The following DIP2B variants were observed in gnomAD, a reference collection of about 807,000 sequenced individuals.
DIP2B encodes disco-interacting protein 2 homolog B.
DIP2B carries 76 observed loss-of-function variants against 198.0 expected under a neutral mutation model. That is an observed-to-expected ratio of 0.38 (90% confidence interval 0.32 to 0.46). The LOEUF (loss-of-function observed/expected upper bound fraction) is 0.46. Ranked by LOEUF, DIP2B falls within the 20% of genes least tolerant of loss-of-function variation. DIP2B has a pLI of 0.99. For synonymous variants in DIP2B, 701 were observed against 739.1 expected (o/e 0.95, Z 0.84); for missense variants, 1,559 against 1,978.4 (o/e 0.79, Z 4.02).
intron 1 of DIP2B, among the ~76,000 whole-genome samples, chr12:50,577,623 T>C (rs546014217): frequency 8.6e-5 from 13 of 151,324 alleles, no homozygotes; most frequent in African/African-American, 3.1e-4. Flanking sequence ...TTATATATAA[T>C]ACACTTTTAT....
chr12:50,637,678 A>G (rs1253554988), intron 2 of DIP2B, among the ~76,000 whole-genome samples: 2 of 152,202 alleles, frequency 1.3e-5, no homozygotes, highest in Admixed American at 6.5e-5. Flanking sequence ...AACAGTAGGC[A>G]TGTCTGCTCT....
At chr12:50,665,470 C>G (rs1938733908) in intron 4 of DIP2B, among the ~76,000 whole-genome samples, 1 of 152,148 alleles carries the variant, frequency 6.6e-6, no homozygotes, top group South Asian at 2.1e-4. Context: ...TACTTTATAG[C>G]CGCGACTCAT....
intron 1 of DIP2B, among the ~76,000 whole-genome samples, chr12:50,561,572 C>T (rs1315556061): frequency 6.6e-6 from 1 of 152,046 alleles, no homozygotes; most frequent in Non-Finnish European, 1.5e-5. Flanking sequence ...ACGATACTCC[C>T]GAAGATGCTG....
chr12:50,523,776 A>G (rs1169668483), intron 1 of DIP2B, among the ~76,000 whole-genome samples: 1 of 152,234 alleles, frequency 6.6e-6, no homozygotes, highest in Non-Finnish European at 1.5e-5. Flanking sequence ...GTGAAAACAT[A>G]CAAGTTGTAT....
chr12:50,614,668 T>G (rs116887122), intron 1 of DIP2B, among the ~76,000 whole-genome samples: 1,956 of 152,262 alleles, frequency 0.013, 19 homozygotes, highest in Non-Finnish European at 0.019. Flanking sequence ...GCTTGCCCAG[T>G]ATCAGATAAA....
intron 1 of DIP2B, among the ~76,000 whole-genome samples, chr12:50,576,893 C>T (rs189354056): frequency 2.6e-4 from 38 of 148,042 alleles, no homozygotes; most frequent in Middle Eastern, 7.7e-3. Flanking sequence ...TACGGAGTTT[C>T]GGTCTCGTTG....
At chr12:50,721,012 T>C (rs372021779) in intron 25 of DIP2B, among the ~76,000 whole-genome samples, 4 of 152,246 alleles carry the variant, frequency 2.6e-5, no homozygotes, top group South Asian at 4.1e-4. Context: ...TCTTGCTGTG[T>C]TGCCCAGGCT....
chr12:50,546,351 CT>C (rs1397123652), intron 1 of DIP2B, among the ~76,000 whole-genome samples: 1 of 152,100 alleles, frequency 6.6e-6, no homozygotes, highest in South Asian at 2.1e-4. Flanking sequence ...AAAATTTCAA[CT>C]TTTATTTTAG....
At position 50,685,864 on chromosome 12, in the gene DIP2B, T is replaced by A. The variant is rs1939122141; in HGVS notation, c.1349T>A (p.Leu450Gln). The A allele has an allele frequency of 6.2e-7, 1 of 1,613,852 alleles. No homozygotes were observed. The highest frequency in any genetic ancestry group is 1.3e-5 in the African/African-American group (1 of 75,034). The change falls in exon 11 of 38, where the codon CTA becomes CAA. Residue 450 changes from leucine (L) to glutamine (Q), a missense_variant. Physicochemically the swap from Leu to Gln is moderately radical, Grantham distance 113. Coordinates refer to ENST00000301180, the MANE Select transcript of DIP2B (RefSeq NM_173602.3). Reference sequence around the variant, plus strand: ...GGAGGTCAGCAGATTGGCTTCTTGCTAGGAAGCTGTGGTATTGCCTTAGCT... The same window carrying A: ...GGAGGTCAGCAGATTGGCTTCTTGCAAGGAAGCTGTGGTATTGCCTTAGCT... ...DAGGQQIGFL[L>Q]GSCGIALALT...
intron 1 of DIP2B, among the ~76,000 whole-genome samples, chr12:50,583,410 T>C (rs1958742856): frequency 1.3e-5 from 2 of 152,158 alleles, no homozygotes; most frequent in African/African-American, 2.4e-5. Context: ...AGTCCCTCCA[T>C]TGGTGCTGAG....
chr12:50,707,817 A>G (rs1289374086), intron 21 of DIP2B, among the ~76,000 whole-genome samples: 1 of 151,888 alleles, frequency 6.6e-6, no homozygotes, highest in Admixed American at 6.6e-5. Context: ...AACCAACTTC[A>G]TCCTCCCTCC....
rs1232858697 is a variant in DIP2B at position 50,676,276 on chromosome 12, G to A, written c.916+828G>A. ...TTGTTGAAAGAGCTAAGCGTTGGTA[G>A]CTTTGTAGTCTGTTTTTATGTCCTG... On this transcript the variant is annotated intron_variant, in intron 7 of 37. Coordinates refer to ENST00000301180, the MANE Select transcript of DIP2B (RefSeq NM_173602.3). 2.0e-5 allele frequency among the ~76,000 whole-genome samples: 3 copies of A among 152,318 alleles called. No individual in the cohort carries two copies. The East Asian group carries it at 5.8e-4, about 29-fold the overall frequency.
chr12:50,695,341 A>G lies in DIP2B; in HGVS notation c.1794A>G (p.Gln598=), dbSNP rs1322247933. ...AAACCTGTCCTCTCTCTTGGGTCCA[A>G]AGAGTACATGCTCACAAAGGTAGTC... ...VMKTCPLSWV[Q]RVHAHKAKVA... The change falls in exon 15 of 38, where the codon CAA becomes CAG. Residue 598 remains glutamine (Q), a synonymous_variant. Transcript: ENST00000301180. 2 of 1,614,024 alleles carry G rather than the reference A, an allele frequency of 1.2e-6. No homozygotes were observed. Among genetic ancestry groups the G allele is most frequent in the East Asian group, 2.2e-5 (1 of 44,878 alleles).
Position 50,601,338 on chromosome 12 carries a change from TTTG to T in DIP2B, c.101-24635_101-24633del, listed in dbSNP as rs1462633988. ...TTTGCTATATATATCTATATATTTTTTTGTTTGTTTGTTTGTTTTTTTTTTAGA... is the reference window on the plus strand; with the variant it reads ...TTTGCTATATATATCTATATATTTTTTTTGTTTGTTTGTTTTTTTTTTAGA... On this transcript the variant is annotated intron_variant, in intron 1 of 37. Transcript: ENST00000301180. Among the ~76,000 whole-genome samples the T allele has an allele frequency of 8.3e-3, 1,258 of 151,920 alleles. 19 individuals carry two copies. Among genetic ancestry groups the T allele is most frequent in the African/African-American group, 0.028 (1,172 of 41,398 alleles).
chr12:50,624,624 A>G (rs1412164385), intron 1 of DIP2B, among the ~76,000 whole-genome samples: 2 of 152,066 alleles, frequency 1.3e-5, no homozygotes, highest in African/African-American at 4.8e-5. Flanking sequence ...GAGCCACTGC[A>G]CCTGGCCCCT....
chr12:50,579,708 T>G (rs1958705229), intron 1 of DIP2B, among the ~76,000 whole-genome samples: 2 of 92,568 alleles, frequency 2.2e-5, no homozygotes, highest in Non-Finnish European at 4.1e-5. Flanking sequence ...TATATATATA[T>G]ATATATATAT....
intron 3 of DIP2B, among the ~76,000 whole-genome samples, chr12:50,649,329 G>A (rs759435148): frequency 6.6e-6 from 1 of 152,108 alleles, no homozygotes; most frequent in Non-Finnish European, 1.5e-5. Context: ...GTGACTGCAC[G>A]TTCTAGATAT....
intron 4 of DIP2B, among the ~76,000 whole-genome samples, chr12:50,662,265 T>A (rs760532156): frequency 4.6e-5 from 7 of 152,220 alleles, no homozygotes; most frequent in Admixed American, 2.0e-4. Flanking sequence ...CTGGGTAGTA[T>A]CTGAGAAGGC....
chr12:50,597,285 T>A (rs1242330939), intron 1 of DIP2B, among the ~76,000 whole-genome samples: 1 of 152,204 alleles, frequency 6.6e-6, no homozygotes, highest in African/African-American at 2.4e-5. Flanking sequence ...ACTACTTAAA[T>A]CATTTAAAAA....
Sources: gnomAD v4.1 joint callset for allele counts (sites outside exome capture counted in the v4.1 genomes callset) on GRCh38, gnomAD v4.1.1 for gene constraint, MANE v1.5 for transcripts, NCBI Gene and HGNC (gene_info 2026-07-23, HGNC 2026-07-21) for gene names.